DENND10: variants seen among roughly 807,000 people sequenced by gnomAD.
DENND10 encodes DENN domain-containing protein 10.
A neutral mutation model predicts 43.6 loss-of-function variants in DENND10; 24 were observed. That is an observed-to-expected ratio of 0.55 (90% CI 0.40 to 0.77). The LOEUF is 0.77. Ranked by LOEUF, DENND10 falls within the 30% of genes least tolerant of loss-of-function variation. DENND10 has a pLI of 0.00. For missense variants in DENND10, 303 were observed against 429.9 expected, an observed-to-expected ratio of 0.70 and a Z score of 2.61; for synonymous variants, 125 against 157.6, an observed-to-expected ratio of 0.79 and a Z score of 1.55.
Position 119,109,739 on chromosome 10 carries a change from G to A in DENND10, c.252+1575G>A, listed in dbSNP as rs150551130. Among the ~76,000 whole-genome samples, 829 of 150,662 alleles carry A rather than the reference G, an allele frequency of 5.5e-3. 8 individuals are homozygous for A. Among genetic ancestry groups the A allele is most frequent in the African/African-American group, 0.019 (764 of 41,026 alleles). On this transcript the variant is annotated intron_variant, in intron 2 of 8. Coordinates refer to ENST00000361432, the MANE Select transcript of DENND10 (RefSeq NM_207009.4). ...ATTCAAGCGATTCTCCTGCCTCAGC[G>A]TCCTGAGTAGCTGGGATTACAGGCA...
intron 8 of DENND10, chr10:119,135,000 C>G (rs987198320): frequency 2.0e-5 from 3 of 151,760 alleles, no homozygotes; most frequent in Non-Finnish European, 4.4e-5. Context: ...CCCATCTCTA[C>G]TAAAAATACA....
chr10:119,111,989 T>C lies in DENND10; in HGVS notation c.332+61T>C, dbSNP rs1458584556. 2.4e-5 allele frequency: 30 copies of C among 1,270,570 alleles called. No homozygotes were observed. In the Admixed American group the frequency reaches 5.2e-4, roughly 22 times the overall value. The allele number at this position is 1,270,570 out of a possible 1,614,324, so 78.7% of individuals were successfully genotyped here. Reference sequence around the variant, plus strand: ...AAATGAAGACCTTAGTATAGTTACATAGCAGATTTCTACACTGAGAAAGCA... The same window carrying C: ...AAATGAAGACCTTAGTATAGTTACACAGCAGATTTCTACACTGAGAAAGCA... On this transcript the variant is annotated intron_variant, in intron 3 of 8. Coordinates refer to ENST00000361432, the MANE Select transcript of DENND10 (RefSeq NM_207009.4).
chr10:119,117,632 A>C lies in DENND10; in HGVS notation c.446A>C (p.Asp149Ala), dbSNP rs763107028. The C allele has an allele frequency of 5.6e-6, 9 of 1,613,934 alleles. No individual in the cohort carries two copies. The East Asian group carries it at 1.3e-4, about 24-fold the overall frequency. The change falls in exon 4 of 9, where the codon GAT becomes GCT. Residue 149 changes from aspartate (D) to alanine (A), a missense_variant. By Grantham distance (126) the Asp-to-Ala change is moderately radical (BLOSUM62 -2). Coordinates refer to ENST00000361432, the MANE Select transcript of DENND10 (RefSeq NM_207009.4). ...ENGSFLSKDF[D>A]ARKAYLAGSI... ...GGCTCTTTCCTTAGTAAGGATTTTG[A>C]TGCCCGAAAGGCCTACCTGGCTGGC...
rs1846414847 is a variant in DENND10 at position 119,137,541 on chromosome 10, A to G, written c.*894A>G. On this transcript the variant is annotated 3_prime_UTR_variant, in exon 9 of 9. Coordinates refer to ENST00000361432, the MANE Select transcript of DENND10 (RefSeq NM_207009.4). ...AGTAGTTTGGCCACATGTCAAGCCA[A>G]TTGTTTGTACTATTTATGTACCTTT... 1 of 166,744 alleles carries G rather than the reference A, an allele frequency of 6.0e-6. No homozygotes were observed. 10.3% of individuals were successfully genotyped at this position (166,744 alleles called of 1,614,324 possible).
intron 3 of DENND10, 38 bp downstream of exon 3, chr10:119,111,966 A>G (rs1844997861): frequency 1.4e-6 from 2 of 1,430,464 alleles, no homozygotes; most frequent in Non-Finnish European, 2.0e-6. Context: ...AATATACAAA[A>G]TGAAGACCTT....
intron 1 of DENND10, among the ~76,000 whole-genome samples, chr10:119,107,714 C>G (rs1210298028): frequency 1.3e-5 from 2 of 152,078 alleles, no homozygotes; most frequent in Non-Finnish European, 2.9e-5. Flanking sequence ...AAAACTCTAC[C>G]ATATCTCTAA....
At position 119,136,725 on chromosome 10, in the gene DENND10, C is replaced by T; in HGVS notation, c.*78C>T. 1.5e-6 allele frequency: 1 copy of T among 649,202 alleles called. No homozygotes were observed. The highest frequency in any genetic ancestry group is 2.9e-5 in the East Asian group (1 of 34,504). The allele number at this position is 649,202 out of a possible 1,614,324, so 40.2% of individuals were successfully genotyped here. A position where few individuals can be genotyped will look rare whatever the true frequency, so the allele number is the denominator to read the frequency against. On this transcript the variant is annotated 3_prime_UTR_variant, in exon 9 of 9. Coordinates refer to ENST00000361432, the MANE Select transcript of DENND10 (RefSeq NM_207009.4). ...GATTACCCACTCACTACATGAAGTC[C>T]TGAAAATAACAGAGAAACTGTTATA...
At chr10:119,118,198 C>T (rs3858336) in intron 4 of DENND10, among the ~76,000 whole-genome samples, 84,257 of 151,960 alleles carry the variant, frequency 0.55, 23,886 homozygotes, top group Middle Eastern at 0.7. Context: ...CTTTAACCCC[C>T]GTATTTCCTT....
chr10:119,113,690 C>CAA (rs11447508), intron 3 of DENND10, among the ~76,000 whole-genome samples: 5,599 of 141,264 alleles, frequency 0.04, 344 homozygotes, highest in African/African-American at 0.14. Flanking sequence ...CCAAAAGAAG[C>CAA]AAAAAAAAAA....
At chr10:119,110,241 G>A (rs937332879) in intron 2 of DENND10, among the ~76,000 whole-genome samples, 18 of 151,156 alleles carry the variant, frequency 1.2e-4, no homozygotes, top group Admixed American at 3.3e-4. Flanking sequence ...GTGTGATCTC[G>A]GCTCACTGCA....
intron 2 of DENND10, 50 bp downstream of exon 2, chr10:119,108,214 G>T: frequency 7.4e-7 from 1 of 1,354,380 alleles, no homozygotes; most frequent in Non-Finnish European, 1.0e-6. Context: ...GCTGGGCGCG[G>T]TGGCTCATGC....
Position 119,111,860 on chromosome 10 carries a change from T to C in DENND10, c.264T>C (p.Phe88=). The C allele has an allele frequency of 1.9e-6, 3 of 1,612,812 alleles. No homozygotes were observed. Among genetic ancestry groups the C allele is most frequent in the Non-Finnish European group, 2.5e-6 (3 of 1,178,968 alleles). Residue 88 remains phenylalanine, a synonymous_variant, in exon 3 of 9, where the codon TTT becomes TTC. Coordinates refer to ENST00000361432, the MANE Select transcript of DENND10 (RefSeq NM_207009.4). ...TTTCTTTTGAACAGGTGACTCATTT[T>C]TCTATTGTCCTGACCGCCAAAGATT... ...DSSILKKVTH[F]SIVLTAKDFN... is the part of the protein sequence containing the mutation.
At chr10:119,114,821 A>T (rs932066145) in intron 3 of DENND10, among the ~76,000 whole-genome samples, 2 of 151,384 alleles carry the variant, frequency 1.3e-5, no homozygotes, top group Non-Finnish European at 2.9e-5. Flanking sequence ...CCAGGCTGGA[A>T]TGCAGTGGCG....
intron 3 of DENND10, among the ~76,000 whole-genome samples, chr10:119,115,535 C>T (rs1845217786): frequency 9.3e-6 from 1 of 107,234 alleles, no homozygotes. Context: ...CGACAGGCGC[C>T]CGCCACTACG....
chr10:119,117,484 TG>T, intron 3 of DENND10, 34 bp from the exon 4 acceptor site: 1 of 1,602,872 alleles, frequency 6.2e-7, no homozygotes, highest in South Asian at 1.1e-5. Flanking sequence ...TTGTGCCAAA[TG>T]AAATCACAGT....
At position 119,125,305 on chromosome 10, in the gene DENND10, A is replaced by G. The variant is rs1845772948; in HGVS notation, c.694+1736A>G. The stretch of plus-strand genomic sequence containing the variant: ...AAAGTTCTAGTCTTAAAAGTTTATC[A>G]GTGACTTTTTTTTTTCATCTTAACT... On this transcript the variant is annotated intron_variant, in intron 6 of 8. Transcript: ENST00000361432. 2.6e-5 allele frequency among the ~76,000 whole-genome samples: 4 copies of G among 151,780 alleles called. 1 individual carries two copies. The highest frequency in any genetic ancestry group is 4.2e-4 in the South Asian group (2 of 4,810).
At chr10:119,114,487 G>A (rs1845146128) in intron 3 of DENND10, 1 of 152,230 alleles carries the variant, frequency 6.6e-6, no homozygotes, top group African/African-American at 2.4e-5. Context: ...CACTGCTGTG[G>A]TCCTCTTCAG....
intron 6 of DENND10, among the ~76,000 whole-genome samples, chr10:119,126,623 C>A (rs10886395): frequency 0.5 from 75,794 of 151,460 alleles, 19,889 homozygotes; most frequent in Middle Eastern, 0.64. Context: ...CACCACCATG[C>A]CTGGCTAATT....
chr10:119,104,237 G>C, intron 1 of DENND10, 40 bp downstream of exon 1: 2 of 1,492,836 alleles, frequency 1.3e-6, no homozygotes, highest in Non-Finnish European at 1.8e-6. Flanking sequence ...CCGCACCCTG[G>C]TTCTGCCTCT....
Sources: allele counts gnomAD v4.1 joint callset (sites outside exome capture counted in the v4.1 genomes callset), GRCh38; gene constraint gnomAD v4.1.1; transcripts MANE v1.5; gene names NCBI Gene and HGNC (gene_info 2026-07-23, HGNC 2026-07-21).